Variants in MUC4 observed in about 807,000 individuals in gnomAD.
The protein encoded by MUC4 is mucin-4.
In MUC4, 202 loss-of-function variants were observed where a neutral mutation model predicts 257.9. The observed-to-expected ratio is 0.78, with a 90% confidence interval of 0.70 to 0.88. MUC4 has a LOEUF of 0.88. MUC4 is among the 40% of genes least tolerant of loss of function. The pLI, the probability that MUC4 is intolerant of heterozygous loss-of-function variation, is 0.00. For synonymous variants in MUC4, 2,351 were observed against 2,757.1 expected (o/e 0.85, Z 4.62); for missense variants, 5,976 against 6,513.7 (o/e 0.92, Z 2.84).
chr3:195,768,313 C>T (rs760685607), intron 7 of MUC4, among the ~76,000 whole-genome samples: 2 of 152,226 alleles, frequency 1.3e-5, no homozygotes, highest in African/African-American at 2.4e-5. Context: ...ATGTGGCCTT[C>T]GTACTGATTG....
Position 195,779,391 on chromosome 3 carries a change from G to A in MUC4, c.12189C>T (p.Thr4063=), listed in dbSNP as rs530948993. The A allele has an allele frequency of 1.6e-6, 2 of 1,222,650 alleles. 1 individual carries two copies. Among genetic ancestry groups the A allele is most frequent in the Non-Finnish European group, 2.2e-6 (2 of 913,196 alleles). 75.7% of individuals were successfully genotyped at this position (1,222,650 alleles called of 1,614,324 possible). A position where few individuals can be genotyped will look rare whatever the true frequency, so the allele number is the denominator to read the frequency against. ...AGGAAGGGCTGGTGACATGAAGAGG[G>A]GTGGCGTGACCTGTGGATAATGAGG... ...NASSLSTGHA[T]PLHVTSPSSA... is the part of the protein sequence containing the mutation. Residue 4063 remains threonine (T), a synonymous_variant, in exon 2 of 25, where the codon ACC becomes ACT. Coordinates refer to ENST00000463781, the MANE Select transcript of MUC4 (RefSeq NM_018406.7).
At chr3:195,797,973 G>C (rs999391696) in intron 1 of MUC4, among the ~76,000 whole-genome samples, 1 of 151,926 alleles carries the variant, frequency 6.6e-6, no homozygotes, top group Non-Finnish European at 1.5e-5. Context: ...TAAAAAATTA[G>C]CTGGGCATAG....
rs1479333678 is a variant in MUC4 at position 195,789,825 on chromosome 3, A to G, written c.1755T>C (p.Ser585=). 1 of 1,613,894 alleles carries G rather than the reference A, an allele frequency of 6.2e-7. No homozygotes were observed. ...TGGCCGTTTTTATCATCTGAGTCAC[A>G]CTGTAGCTTGGGCTGCTGAGAAGAG... ...GEALLSSPSY[S]VTQMIKTATS... The change falls in exon 2 of 25, where the codon AGT becomes AGC. Residue 585 remains serine (S), a synonymous_variant. Coordinates refer to ENST00000463781, the MANE Select transcript of MUC4 (RefSeq NM_018406.7).
In MUC4 at chr3:195,780,979, G is replaced by C. The variant is rs1318799299; in HGVS notation, c.10601C>G (p.Ala3534Gly). 1.8e-5 allele frequency: 27 copies of C among 1,510,030 alleles called. 2 individuals carry two copies. The highest frequency in any genetic ancestry group is 2.4e-5 in the Non-Finnish European group (27 of 1,121,580). The allele number at this position is 1,510,030 out of a possible 1,614,324, so 93.5% of individuals were successfully genotyped here. Residue 3534 changes from alanine to glycine, a missense_variant, in exon 2 of 25, where the codon GCC (alanine) becomes GGC (glycine). Physicochemically the swap from Ala to Gly is moderately conservative, Grantham distance 60. Transcript: ENST00000463781. ...AAGGCTGGTGACAGGAAGAGGCGTGGCGTGACCGGTGGATACTGAGGAAGT... is the reference window on the plus strand; with the variant it reads ...AAGGCTGGTGACAGGAAGAGGCGTGCCGTGACCGGTGGATACTGAGGAAGT... The part of the protein sequence containing the change: ...TDTSSVSTGH[A>G]TPLPVTSLSS...
In MUC4 at chr3:195,784,213, G is replaced by C; in HGVS notation, c.7367C>G (p.Ser2456Ter). ...AGGGGTGGTGTCACCTGTGGATGCT[G>C]AGGAAGTGCTGGTGACAGGAAGAGG... ...ATPLPVTSTS[S>*]ASTGDTTPLP... The change falls in exon 2 of 25, where the codon TCA becomes TGA. Residue 2456 changes from serine (S) to a stop codon, truncating the protein, a stop_gained. Coordinates refer to ENST00000463781, the MANE Select transcript of MUC4 (RefSeq NM_018406.7). LOFTEE classifies it high-confidence loss of function. 1 of 1,498,976 alleles carries C rather than the reference G, an allele frequency of 6.7e-7. No homozygotes were observed. The highest frequency in any genetic ancestry group is 9.0e-7 in the Non-Finnish European group (1 of 1,112,050). 92.9% of individuals were successfully genotyped at this position (1,498,976 alleles called of 1,614,324 possible).
At chr3:195,797,188 G>A (rs1734680697) in intron 1 of MUC4, among the ~76,000 whole-genome samples, 1 of 152,034 alleles carries the variant, frequency 6.6e-6, no homozygotes, top group African/African-American at 2.4e-5. Context: ...AGAATTGCTT[G>A]AACCCAGGAG....
intron 24 of MUC4, among the ~76,000 whole-genome samples, 162 bp from the exon 25 acceptor site, chr3:195,747,542 T>C (rs1438443747): frequency 3.3e-5 from 5 of 152,258 alleles, no homozygotes; most frequent in African/African-American, 9.6e-5. Flanking sequence ...GTGAGACCAC[T>C]GGGCAAAGGA....
In MUC4 at chr3:195,779,953, G is replaced by A; in HGVS notation, c.11627C>T (p.Thr3876Ile). 6.8e-7 allele frequency: 1 copy of A among 1,475,330 alleles called. No homozygotes were observed. Among genetic ancestry groups the A allele is most frequent in the Non-Finnish European group, 9.0e-7 (1 of 1,113,926 alleles). The allele number at this position is 1,475,330 out of a possible 1,614,324, so 91.4% of individuals were successfully genotyped here. The change falls in exon 2 of 25, where the codon ACC becomes ATC. Residue 3876 changes from threonine to isoleucine, a missense_variant. Thr to Ile is a moderately conservative substitution (Grantham distance 89, BLOSUM62 -1). Around this residue, in one of 44 missense-constraint regions of MUC4, gnomAD observed 330 missense variants for 262.0 expected, o/e 1.26. Transcript: ENST00000463781. ...ACCTGTGGAAGCTGAGGAAAGGCCG[G>A]TAACAGGAAGAGGGGTGGCGTGACC... is the stretch of plus-strand genomic sequence containing the variant. ...STGHATPLPV[T>I]GLSSASTGDT...
chr3:195,767,098 G>C (rs556405693), intron 7 of MUC4, among the ~76,000 whole-genome samples: 1 of 152,248 alleles, frequency 6.6e-6, no homozygotes, highest in Non-Finnish European at 1.5e-5. Context: ...GAGCGGGACA[G>C]ACTCTAGGGA....
At chr3:195,762,718 C>G in intron 13 of MUC4, 137 bp downstream of exon 13, 1 of 607,870 alleles carries the variant, frequency 1.6e-6, no homozygotes, top group African/African-American at 2.1e-5. Context: ...GGCGCGGCAC[C>G]GCCACGCGCC....
rs757928953 is a variant in MUC4, at chr3:195,763,532, G to C, written c.14154C>G (p.Phe4718Leu). The part of the protein sequence containing the change: ...LVGAQDGNSS[F>L]LLQGRTAQTG... ...TCTGGGCGGTGCGGCCCTGAAGCAG[G>C]AAGGAGGAGTTCCCGTCTTGGGCCC... The change falls in exon 12 of 25, where the codon TTC (phenylalanine) becomes TTG (leucine). Residue 4718 changes from phenylalanine (F) to leucine (L), a missense_variant. Physicochemically the swap from Phe to Leu is conservative, Grantham distance 22. Around this residue, in one of 44 missense-constraint regions of MUC4, gnomAD observed 996 missense variants for 1,137.3 expected, o/e 0.88. Coordinates refer to ENST00000463781, the MANE Select transcript of MUC4 (RefSeq NM_018406.7). 10 of 1,582,448 alleles carry C rather than the reference G, an allele frequency of 6.3e-6. No homozygotes were observed. The highest frequency in any genetic ancestry group is 8.6e-6 in the Non-Finnish European group (10 of 1,163,412).
At position 195,788,665 on chromosome 3, in the gene MUC4, C is replaced by A; in HGVS notation, c.2915G>T (p.Ser972Ile). The change falls in exon 2 of 25, where the codon AGC becomes ATC. Residue 972 changes from serine to isoleucine, a missense_variant. Ser to Ile is a moderately radical substitution (Grantham distance 142). Coordinates refer to ENST00000463781, the MANE Select transcript of MUC4 (RefSeq NM_018406.7). The part of the protein sequence containing the change: ...SGKTFTTALI[S>I]NATPLPVTYA... ...GGTGACAGGAAGAGGGGTGGCGTTG[C>A]TGATGAGGGCCGTGGTGAAGGTTTT... 1 of 1,608,664 alleles carries A rather than the reference C, an allele frequency of 6.2e-7. No individual in the cohort carries two copies. The highest frequency in any genetic ancestry group is 1.3e-5 in the African/African-American group (1 of 74,076).
intron 1 of MUC4, among the ~76,000 whole-genome samples, chr3:195,793,409 G>A (rs1204073142): frequency 4.6e-5 from 7 of 152,080 alleles, no homozygotes; most frequent in East Asian, 3.8e-4. Flanking sequence ...GGCTGAGGCA[G>A]GAGAATTGCT....
chr3:195,803,520 C>T (rs141264716), intron 1 of MUC4, among the ~76,000 whole-genome samples: 1 of 152,252 alleles, frequency 6.6e-6, no homozygotes, highest in Non-Finnish European at 1.5e-5. Context: ...GATGAACACA[C>T]CAGGGAGGTG....
rs749118927 is a variant in MUC4 at position 195,789,179 on chromosome 3, C to T, written c.2401G>A (p.Gly801Ser). 7 of 1,613,690 alleles carry T rather than the reference C, an allele frequency of 4.3e-6. No individual in the cohort carries two copies. In the African/African-American group the frequency reaches 6.7e-5, roughly 15 times the overall value. ...ASSGSRTTSAGTATPSSSGAS... is the reference protein window; with the variant it reads ...ASSGSRTTSASTATPSSSGAS... ...CCGGATGAGGAAGGGGTAGCTGTGCCCGCTGAGGTGGTTCGTGACCCTGAG... is the reference window on the plus strand; with the variant it reads ...CCGGATGAGGAAGGGGTAGCTGTGCTCGCTGAGGTGGTTCGTGACCCTGAG... The change falls in exon 2 of 25, where the codon GGC (glycine) becomes AGC (serine). Residue 801 changes from glycine (G) to serine (S), a missense_variant. By Grantham distance (56) the Gly-to-Ser change is moderately conservative (BLOSUM62 0). Around this residue, in one of 44 missense-constraint regions of MUC4, gnomAD observed 1,583 missense variants for 1,257.4 expected, o/e 1.26. Transcript: ENST00000463781.
Position 195,779,923 on chromosome 3 carries a change from G to A in MUC4, c.11657C>T (p.Thr3886Ile), listed in dbSNP as rs865792512. 2.4e-5 allele frequency: 34 copies of A among 1,430,076 alleles called. 3 individuals carry two copies. In the South Asian group the frequency reaches 4.5e-4, roughly 19 times the overall value. 88.6% of individuals were successfully genotyped at this position (1,430,076 alleles called of 1,614,324 possible). Reference protein sequence around the residue: ...TGLSSASTGDTTPLPVTDTSS... With the variant: ...TGLSSASTGDITPLPVTDTSS... ...AGTGTCGGTGACAGGAAGAGGGGTGGTGTCACCTGTGGAAGCTGAGGAAAG... is the reference window on the plus strand; with the variant it reads ...AGTGTCGGTGACAGGAAGAGGGGTGATGTCACCTGTGGAAGCTGAGGAAAG... The change falls in exon 2 of 25, where the codon ACC becomes ATC. Residue 3886 changes from threonine (T) to isoleucine (I), a missense_variant. Thr to Ile is a moderately conservative substitution (Grantham distance 89). Transcript: ENST00000463781.
In MUC4 at chr3:195,788,960, G is replaced by T. The variant is rs191345583; in HGVS notation, c.2620C>A (p.Pro874Thr). 1.9e-6 allele frequency: 3 copies of T among 1,613,538 alleles called. No individual in the cohort carries two copies. Among genetic ancestry groups the T allele is most frequent in the African/African-American group, 2.7e-5 (2 of 74,872 alleles). Residue 874 changes from proline to threonine, a missense_variant, in exon 2 of 25, where the codon CCC (proline) becomes ACC (threonine). Physicochemically the swap from Pro to Thr is conservative, Grantham distance 38. Coordinates refer to ENST00000463781, the MANE Select transcript of MUC4 (RefSeq NM_018406.7). ...ASSIVPGTFH[P>T]TLSEASTAGR... ...GCAGTGGAGGCCTCAGAGAGGGTGG[G>T]ATGAAAGGTGCCGGGGACGATCGAA...
chr3:195,775,784 C>G (rs1176282549), intron 3 of MUC4, among the ~76,000 whole-genome samples: 2 of 29,866 alleles, frequency 6.7e-5, no homozygotes, highest in African/African-American at 2.3e-4. Flanking sequence ...ACCTTCCACA[C>G]CCTTACCTTC....
chr3:195,768,644 C>T (rs904146802), intron 7 of MUC4, among the ~76,000 whole-genome samples: 16 of 152,178 alleles, frequency 1.1e-4, no homozygotes, highest in African/African-American at 3.9e-4. Flanking sequence ...GTATCTGCCT[C>T]GTGGGGTGGC....
Sources: allele counts gnomAD v4.1 joint callset (sites outside exome capture counted in the v4.1 genomes callset), GRCh38; gene constraint gnomAD v4.1.1; regional missense constraint gnomAD v4.1.1; transcripts MANE v1.5; gene names NCBI Gene and HGNC (gene_info 2026-07-23, HGNC 2026-07-21).